Variants in FIBIN observed in about 807,000 individuals in gnomAD.
FIBIN encodes the protein fin bud initiation factor homolog (zebrafish).
In FIBIN, 8 loss-of-function variants were observed where a neutral mutation model predicts 13.0. That is an observed-to-expected ratio of 0.62 (90% CI 0.36 to 1.11). The LOEUF (loss-of-function observed/expected upper bound fraction) is 1.11. Ranked by LOEUF, FIBIN falls within the 50% of genes most tolerant of loss-of-function variation. The probability of loss-of-function intolerance (pLI) is 0.02; values close to 1 mark genes in which losing one functional copy is unlikely to be tolerated. For synonymous variants in FIBIN, 127 were observed against 114.7 expected (o/e 1.11, Z -0.69); for missense variants, 261 against 260.2 (o/e 1.00, Z -0.02).
Position 26,994,501 on chromosome 11 carries a change from G to T in FIBIN, c.-26G>T, listed in dbSNP as rs375735449. 162 of 1,570,612 alleles carry T rather than the reference G, an allele frequency of 1.0e-4. No homozygotes were observed. The highest frequency in any genetic ancestry group is 1.3e-4 in the Non-Finnish European group (156 of 1,155,686). ...CCTGGGTAAAAAGTCTCCTCCTGGG[G>T]TCCCTGGCCATCCTGAATATCCAGA... On this transcript the variant is annotated 5_prime_UTR_variant, in exon 1 of 1. Transcript: ENST00000318627.
In FIBIN at chr11:26,994,549, G is replaced by T. The variant is rs1850901650; in HGVS notation, c.23G>T (p.Cys8Phe). 1.2e-6 allele frequency: 2 copies of T among 1,608,560 alleles called. No homozygotes were observed. The highest frequency in any genetic ancestry group is 3.4e-5 in the Admixed American group (2 of 59,422). Residue 8 changes from cysteine (C) to phenylalanine (F), a missense_variant, in exon 1 of 1, where the codon TGC becomes TTC. By Grantham distance (205) the Cys-to-Phe change is radical (BLOSUM62 -2). Transcript: ENST00000318627. MVFLKFF[C>F]MSFFCHLCQG... ...AGAATGGTGTTTCTGAAGTTCTTCT[G>T]CATGAGTTTCTTCTGCCACCTGTGT... is the stretch of plus-strand genomic sequence containing the variant.
rs1298297823 is a variant in FIBIN at position 26,996,658 on chromosome 11, TG to T, written c.*1497del. 3.3e-5 allele frequency among the ~76,000 whole-genome samples: 5 copies of T among 152,320 alleles called. No homozygotes were observed. The highest frequency in any genetic ancestry group is 7.4e-5 in the Non-Finnish European group (5 of 68,026). On this transcript the variant is annotated 3_prime_UTR_variant, in exon 1 of 1. Coordinates refer to ENST00000318627, the MANE Select transcript of FIBIN (RefSeq NM_203371.2). ...AAATAAATAAATGTTCATATTCTTC[TG>T]TTCAACAGACATTTATTTTCTCCTC...
rs1030992783 is a variant in FIBIN at position 26,996,054 on chromosome 11, G to A, written c.*892G>A. ...TTGGAAACTTGTACTTCAAGTAGGG[G>A]GAATCCTAATTCTAATAACTCCTTA... On this transcript the variant is annotated 3_prime_UTR_variant, in exon 1 of 1. Coordinates refer to ENST00000318627, the MANE Select transcript of FIBIN (RefSeq NM_203371.2). 1.2e-5 allele frequency: 2 copies of A among 166,610 alleles called. No individual in the cohort carries two copies. Among genetic ancestry groups the A allele is most frequent in the Non-Finnish European group, 2.9e-5 (2 of 68,104 alleles). 10.3% of individuals were successfully genotyped at this position (166,610 alleles called of 1,614,324 possible).
At position 26,994,604 on chromosome 11, in the gene FIBIN, A is replaced by G. The variant is rs757411911; in HGVS notation, c.78A>G (p.Pro26=). 1.9e-6 allele frequency: 3 copies of G among 1,614,010 alleles called. No individual in the cohort carries two copies. The highest frequency in any genetic ancestry group is 2.5e-6 in the Non-Finnish European group (3 of 1,179,986). Residue 26 remains proline, a synonymous_variant, in exon 1 of 1, where the codon CCA becomes CCG. Transcript: ENST00000318627. ...CQGYFDGPLY[P]EMSNGTLHHY... is the part of the protein sequence containing the mutation. ...GCTACTTCGATGGCCCCCTCTACCC[A>G]GAGATGTCCAATGGGACTCTGCACC...
rs1221793444 is a variant in FIBIN at position 26,996,311 on chromosome 11, C to A, written c.*1149C>A. On this transcript the variant is annotated 3_prime_UTR_variant, in exon 1 of 1. Coordinates refer to ENST00000318627, the MANE Select transcript of FIBIN (RefSeq NM_203371.2). ...CTGACATCCTCACAAGAAAACAAAT[C>A]TAGCCATTGCCCAAACTTTAAATTT... Among the ~76,000 whole-genome samples, 1 of 152,194 alleles carries A rather than the reference C, an allele frequency of 6.6e-6. No individual in the cohort carries two copies. Among genetic ancestry groups the A allele is most frequent in the Non-Finnish European group, 1.5e-5 (1 of 68,024 alleles).
Position 26,995,036 on chromosome 11 carries a change from G to A in FIBIN, c.510G>A (p.Arg170=). The part of the protein sequence containing the change: ...EDFLGMLVHT[R]SLLKETLDIS... ...TTCTGGGAATGCTGGTCCACACCAG[G>A]TCCCTGCTGAAGGAGACACTGGACA... Residue 170 remains arginine (R), a synonymous_variant, in exon 1 of 1, where the codon AGG becomes AGA. Coordinates refer to ENST00000318627, the MANE Select transcript of FIBIN (RefSeq NM_203371.2). The A allele has an allele frequency of 1.2e-6, 2 of 1,614,086 alleles. No individual in the cohort carries two copies. Among genetic ancestry groups the A allele is most frequent in the Non-Finnish European group, 1.7e-6 (2 of 1,180,004 alleles).
In FIBIN at chr11:26,995,339, CTTTGT is replaced by C. The variant is rs1207087435; in HGVS notation, c.*181_*185del. The C allele has an allele frequency of 1.8e-6, 1 of 567,318 alleles. No individual in the cohort carries two copies. Among genetic ancestry groups the C allele is most frequent in the African/African-American group, 1.9e-5 (1 of 51,516 alleles). 35.1% of individuals were successfully genotyped at this position (567,318 alleles called of 1,614,324 possible). A position where few individuals can be genotyped will look rare whatever the true frequency, so the allele number is the denominator to read the frequency against. On this transcript the variant is annotated 3_prime_UTR_variant, in exon 1 of 1. Coordinates refer to ENST00000318627, the MANE Select transcript of FIBIN (RefSeq NM_203371.2). ...AGAGAAAAATTGGACACTTGAGTGACTTTGTTTTTAGTTTTGTTTTTGTACATTAT... is the reference window on the plus strand; with the variant it reads ...AGAGAAAAATTGGACACTTGAGTGACTTTTAGTTTTGTTTTTGTACATTAT...
Position 26,995,230 on chromosome 11 carries a change from G to A in FIBIN, c.*68G>A, listed in dbSNP as rs1160846665. Reference sequence around the variant, plus strand: ...CCGTTTTGGAGGGTGGGGGACAGAAGATGGGGCTACATTTCCCCCATACCT... The same window carrying A: ...CCGTTTTGGAGGGTGGGGGACAGAAAATGGGGCTACATTTCCCCCATACCT... On this transcript the variant is annotated 3_prime_UTR_variant, in exon 1 of 1. Transcript: ENST00000318627. The A allele has an allele frequency of 6.8e-7, 1 of 1,462,086 alleles. No individual in the cohort carries two copies. Among genetic ancestry groups the A allele is most frequent in the Admixed American group, 2.3e-5 (1 of 44,264 alleles). 90.6% of individuals were successfully genotyped at this position (1,462,086 alleles called of 1,614,324 possible). A position where few individuals can be genotyped will look rare whatever the true frequency, so the allele number is the denominator to read the frequency against.
rs1419838383 is a variant in FIBIN, at chr11:26,996,621, A to G, written c.*1459A>G. Among the ~76,000 whole-genome samples, 1 of 152,142 alleles carries G rather than the reference A, an allele frequency of 6.6e-6. No homozygotes were observed. The highest frequency in any genetic ancestry group is 2.4e-5 in the African/African-American group (1 of 41,444). On this transcript the variant is annotated 3_prime_UTR_variant, in exon 1 of 1. Coordinates refer to ENST00000318627, the MANE Select transcript of FIBIN (RefSeq NM_203371.2). ...TGCATATATGCACAGATACACACAC[A>G]CACACACACGAAAATAAATAAATGT...
rs1347266880 is a variant in FIBIN, at chr11:26,995,284, T to G, written c.*122T>G. On this transcript the variant is annotated 3_prime_UTR_variant, in exon 1 of 1. Transcript: ENST00000318627. Reference sequence around the variant, plus strand: ...ATTTTTTTATATCCCGATTTGCACTTTGAGAATACATCTAAGGTCATCTTT... The same window carrying G: ...ATTTTTTTATATCCCGATTTGCACTGTGAGAATACATCTAAGGTCATCTTT... 5.2e-6 allele frequency: 5 copies of G among 964,602 alleles called. No individual in the cohort carries two copies. The highest frequency in any genetic ancestry group is 7.6e-6 in the Non-Finnish European group (5 of 661,646). The allele number at this position is 964,602 out of a possible 1,614,324, so 59.8% of individuals were successfully genotyped here. A position where few individuals can be genotyped will look rare whatever the true frequency, so the allele number is the denominator to read the frequency against.
Position 26,996,411 on chromosome 11 carries a change from C to T in FIBIN, c.*1249C>T, listed in dbSNP as rs144529544. ...TAAATTCAATTGCAAAAGTTTCTGA[C>T]AAGGCTCATACCCTGTACCCTTATG... On this transcript the variant is annotated 3_prime_UTR_variant, in exon 1 of 1. Transcript: ENST00000318627. Among the ~76,000 whole-genome samples the T allele has an allele frequency of 0.017, 2,657 of 152,276 alleles. 38 individuals are homozygous for T. Among genetic ancestry groups the T allele is most frequent in the South Asian group, 0.034 (162 of 4,822 alleles).
rs1054960978 is a variant in FIBIN, at chr11:26,994,254, G to A, written c.-273G>A. 6.6e-5 allele frequency: 26 copies of A among 391,716 alleles called. No homozygotes were observed. The highest frequency in any genetic ancestry group is 2.1e-4 in the African/African-American group (10 of 48,588). 24.3% of individuals were successfully genotyped at this position (391,716 alleles called of 1,614,324 possible). ...CATCTTGCCAGGGCCCCGGAGGAGG[G>A]GTTCCCCGCTACGCCTGTGCCGGAG... On this transcript the variant is annotated 5_prime_UTR_variant, in exon 1 of 1. Coordinates refer to ENST00000318627, the MANE Select transcript of FIBIN (RefSeq NM_203371.2).
chr11:26,994,502 TC>T lies in FIBIN; in HGVS notation c.-22del, dbSNP rs1328122494. The stretch of plus-strand genomic sequence containing the variant: ...CTGGGTAAAAAGTCTCCTCCTGGGG[TC>T]CCTGGCCATCCTGAATATCCAGAAT... On this transcript the variant is annotated 5_prime_UTR_variant, in exon 1 of 1. Transcript: ENST00000318627. 6.4e-7 allele frequency: 1 copy of T among 1,568,760 alleles called. No homozygotes were observed. Among genetic ancestry groups the T allele is most frequent in the Non-Finnish European group, 8.7e-7 (1 of 1,154,338 alleles).
rs145383958 is a variant in FIBIN, at chr11:26,994,871, T to C, written c.345T>C (p.Tyr115=). 27 of 1,599,264 alleles carry C rather than the reference T, an allele frequency of 1.7e-5. No individual in the cohort carries two copies. In the African/African-American group the frequency reaches 2.9e-4, roughly 17 times the overall value. ...ACGACCTAGACGGGGAAGAGAGCTA[T>C]GGCAAGTACCTGCGGCGGGAGTCCC... The part of the protein sequence containing the change: ...ISYDLDGEES[Y]GKYLRRESHQ... The change falls in exon 1 of 1, where the codon TAT becomes TAC. Residue 115 remains tyrosine (Y), a synonymous_variant. Transcript: ENST00000318627.
Position 26,994,488 on chromosome 11 carries a change from GTC to G in FIBIN, c.-36_-35del, listed in dbSNP as rs762812660. ...TCCCTTCCTTGTGCCTGGGTAAAAA[GTC>G]TCCTCCTGGGGTCCCTGGCCATCCT... is the stretch of plus-strand genomic sequence containing the variant. On this transcript the variant is annotated 5_prime_UTR_variant, in exon 1 of 1. Transcript: ENST00000318627. 2 of 1,547,972 alleles carry G rather than the reference GTC, an allele frequency of 1.3e-6. No homozygotes were observed. Among genetic ancestry groups the G allele is most frequent in the Non-Finnish European group, 1.7e-6 (2 of 1,144,250 alleles).
chr11:26,994,746 A>T lies in FIBIN; in HGVS notation c.220A>T (p.Ser74Cys). The stretch of plus-strand genomic sequence containing the variant: ...CCAGGGGGAGGGGAGCCAGGTTGGC[A>T]GCCTGCTGAGCCTCACCCTGCGGGA... ...CSQGEGSQVG[S>C]LLSLTLREEF... The change falls in exon 1 of 1, where the codon AGC becomes TGC. Residue 74 changes from serine to cysteine, a missense_variant. Ser to Cys is a moderately radical substitution (Grantham distance 112). Transcript: ENST00000318627. 1.9e-6 allele frequency: 3 copies of T among 1,613,410 alleles called. No individual in the cohort carries two copies. The highest frequency in any genetic ancestry group is 2.5e-6 in the Non-Finnish European group (3 of 1,179,830).
In FIBIN at chr11:26,995,035, G is replaced by C. The variant is rs1424729982; in HGVS notation, c.509G>C (p.Arg170Thr). The C allele has an allele frequency of 3.7e-6, 6 of 1,614,010 alleles. No homozygotes were observed. Among genetic ancestry groups the C allele is most frequent in the Admixed American group, 1.7e-5 (1 of 59,996 alleles). ...EDFLGMLVHT[R>T]SLLKETLDIS... is the part of the protein sequence containing the mutation. ...TTTCTGGGAATGCTGGTCCACACCA[G>C]GTCCCTGCTGAAGGAGACACTGGAC... The change falls in exon 1 of 1, where the codon AGG (arginine) becomes ACG (threonine). Residue 170 changes from arginine to threonine, a missense_variant. Transcript: ENST00000318627.
In FIBIN at chr11:26,995,975, A is replaced by T. The variant is rs2133348112; in HGVS notation, c.*813A>T. Reference sequence around the variant, plus strand: ...ACATACCCACAAATGCCTATGATTTAGGTTACCAATGTATTCTTTCTCATT... The same window carrying T: ...ACATACCCACAAATGCCTATGATTTTGGTTACCAATGTATTCTTTCTCATT... On this transcript the variant is annotated 3_prime_UTR_variant, in exon 1 of 1. Coordinates refer to ENST00000318627, the MANE Select transcript of FIBIN (RefSeq NM_203371.2). The T allele has an allele frequency of 6.0e-6, 1 of 166,504 alleles. No individual in the cohort carries two copies. The highest frequency in any genetic ancestry group is 6.5e-5 in the Admixed American group (1 of 15,312). The allele number at this position is 166,504 out of a possible 1,614,324, so 10.3% of individuals were successfully genotyped here.
rs1051766285 is a variant in FIBIN at position 26,995,106 on chromosome 11, A to G, written c.580A>G (p.Ile194Val). The G allele has an allele frequency of 1.2e-6, 2 of 1,613,582 alleles. No homozygotes were observed. The change falls in exon 1 of 1, where the codon ATT becomes GTT. Residue 194 changes from isoleucine (I) to valine (V), a missense_variant. By Grantham distance (29) the Ile-to-Val change is conservative (BLOSUM62 3). Transcript: ENST00000318627. ...CAAATACGAGCTGCTGGCCCTCACC[A>G]TTAGGAGCCATGGGACCCGACTAGG... ...RDKYELLALT[I>V]RSHGTRLGRL... is the part of the protein sequence containing the mutation.
Sources: allele counts gnomAD v4.1 joint callset (sites outside exome capture counted in the v4.1 genomes callset), GRCh38; gene constraint gnomAD v4.1.1; transcripts MANE v1.5; gene names NCBI Gene and HGNC (gene_info 2026-07-23, HGNC 2026-07-21).